The following RANBP17 variants were observed in gnomAD, a reference collection of about 807,000 sequenced individuals.
RANBP17 encodes the protein RAN binding protein 17.
RANBP17 carries 158 observed loss-of-function variants against 141.2 expected under a neutral mutation model. The ratio of observed to expected loss-of-function variants is 1.12; its 90% CI spans 0.98 to 1.28. RANBP17 has a LOEUF of 1.28. Ranked by LOEUF, RANBP17 falls within the 50% of genes most tolerant of loss-of-function variation. The pLI, the probability that RANBP17 is intolerant of heterozygous loss-of-function variation, is 0.00. For synonymous variants in RANBP17, 430 were observed against 450.0 expected (o/e 0.96, Z 0.56); for missense variants, 1,438 against 1,290.7 (o/e 1.11, Z -1.75).
intron 14 of RANBP17, among the ~76,000 whole-genome samples, chr5:171,116,370 A>T (rs1360384990): frequency 2.6e-5 from 4 of 151,984 alleles, no homozygotes; most frequent in Admixed American, 2.6e-4. Context: ...TGAAAACTTT[A>T]TGTTTATCAA....
At chr5:170,961,402 T>C (rs1461385628) in intron 13 of RANBP17, among the ~76,000 whole-genome samples, 2 of 152,204 alleles carry the variant, frequency 1.3e-5, no homozygotes, top group Non-Finnish European at 2.9e-5. Context: ...GGATCAAAAA[T>C]TATTTATCTT....
At chr5:170,921,145 T>G (rs940779421) in intron 11 of RANBP17, among the ~76,000 whole-genome samples, 19 of 152,212 alleles carry the variant, frequency 1.2e-4, no homozygotes, top group Admixed American at 1.2e-3. Context: ...TTTTGGTGTT[T>G]TAGTCATGAA....
intron 13 of RANBP17, among the ~76,000 whole-genome samples, chr5:170,959,232 T>C (rs1159755429): frequency 6.6e-6 from 1 of 152,160 alleles, no homozygotes; most frequent in Non-Finnish European, 1.5e-5. Context: ...AGAGTTTTCC[T>C]CTCTCTCCCA....
At chr5:171,048,577 C>G (rs1320913225) in intron 14 of RANBP17, among the ~76,000 whole-genome samples, 1 of 151,798 alleles carries the variant, frequency 6.6e-6, no homozygotes, top group African/African-American at 2.4e-5. Context: ...ATTTTGTCAC[C>G]CAGGTAATAA....
intron 22 of RANBP17, among the ~76,000 whole-genome samples, chr5:171,234,413 A>C (rs1159994507): frequency 1.3e-5 from 2 of 152,226 alleles, no homozygotes; most frequent in African/African-American, 4.8e-5. Context: ...CCTCTAGAAC[A>C]TATTGAGCAC....
intron 14 of RANBP17, among the ~76,000 whole-genome samples, chr5:171,018,576 G>T (rs1780613550): frequency 1.3e-5 from 2 of 152,056 alleles, no homozygotes; most frequent in African/African-American, 2.4e-5. Flanking sequence ...TAGGTGTAAA[G>T]GAATGCCTGT....
chr5:171,165,511 A>G (rs7447600), intron 14 of RANBP17, among the ~76,000 whole-genome samples: 525 of 152,282 alleles, frequency 3.4e-3, no homozygotes, highest in Non-Finnish European at 5.7e-3. Context: ...TTACTATTTT[A>G]TGGGTAAGAA....
At chr5:171,080,034 C>T (rs1178629265) in intron 14 of RANBP17, among the ~76,000 whole-genome samples, 1 of 152,046 alleles carries the variant, frequency 6.6e-6, no homozygotes, top group Non-Finnish European at 1.5e-5. Flanking sequence ...TAAACTGATC[C>T]TGATAACATT....
At chr5:171,212,920 A>T (rs1055634801) in intron 20 of RANBP17, among the ~76,000 whole-genome samples, 3 of 152,182 alleles carry the variant, frequency 2.0e-5, no homozygotes, top group Non-Finnish European at 4.4e-5. Flanking sequence ...GCATAGATTT[A>T]TCAGAGGCAT....
chr5:170,919,438 T>A lies in RANBP17; in HGVS notation c.1102-3T>A. On this transcript the variant is annotated splice_region_variant and splice_polypyrimidine_tract_variant and intron_variant, in intron 10 of 27. Coordinates refer to ENST00000523189, the MANE Select transcript of RANBP17 (RefSeq NM_022897.5). ...AAATAACTTCTGCTTTATTTCTTTG[T>A]AGCACTGGGAATTTGCTCCTAACAG... 2 of 1,554,460 alleles carry A rather than the reference T, an allele frequency of 1.3e-6. No individual in the cohort carries two copies. The highest frequency in any genetic ancestry group is 1.7e-6 in the Non-Finnish European group (2 of 1,152,292).
At chr5:171,066,644 T>C (rs1285832556) in intron 14 of RANBP17, among the ~76,000 whole-genome samples, 1 of 152,224 alleles carries the variant, frequency 6.6e-6, no homozygotes, top group Non-Finnish European at 1.5e-5. Context: ...AGTGGAGATA[T>C]TTCTTCAACA....
At position 171,141,278 on chromosome 5, in the gene RANBP17, G is replaced by T. The variant is rs376257961; in HGVS notation, c.1711-28852G>T. Among the ~76,000 whole-genome samples, 9 of 151,876 alleles carry T rather than the reference G, an allele frequency of 5.9e-5. No homozygotes were observed. The East Asian group carries it at 1.7e-3, about 29-fold the overall frequency. On this transcript the variant is annotated intron_variant, in intron 14 of 27. Transcript: ENST00000523189. ...TTCAATTGAGTTAGTATTTAAAGTT[G>T]GTTTATTAAGGATGGGAAGTTAAAA...
intron 14 of RANBP17, among the ~76,000 whole-genome samples, chr5:171,162,895 T>A (rs1270769000): frequency 6.6e-6 from 1 of 152,132 alleles, no homozygotes; most frequent in Non-Finnish European, 1.5e-5. Flanking sequence ...CCAAGTTTTC[T>A]TATACAATAG....
intron 8 of RANBP17, among the ~76,000 whole-genome samples, 153 bp downstream of exon 8, chr5:170,914,393 T>G (rs1038053570): frequency 1.3e-5 from 2 of 152,206 alleles, no homozygotes; most frequent in African/African-American, 4.8e-5. Flanking sequence ...GCTTAAACTA[T>G]TTGTCAAATT....
intron 14 of RANBP17, among the ~76,000 whole-genome samples, chr5:171,112,276 G>T (rs1260863925): frequency 6.6e-6 from 1 of 151,916 alleles, no homozygotes; most frequent in East Asian, 1.9e-4. Flanking sequence ...GAAGGGCCTG[G>T]ATTTTTCCTA....
At chr5:170,948,028 A>G (rs929024777) in intron 12 of RANBP17, among the ~76,000 whole-genome samples, 1 of 152,178 alleles carries the variant, frequency 6.6e-6, no homozygotes, top group Non-Finnish European at 1.5e-5. Flanking sequence ...GTATTTGAAG[A>G]CAGACTACCA....
chr5:170,936,579 G>T (rs1773897609), intron 12 of RANBP17, among the ~76,000 whole-genome samples: 1 of 151,920 alleles, frequency 6.6e-6, no homozygotes, highest in Non-Finnish European at 1.5e-5. Context: ...TACCTACCTT[G>T]GTCAAGTATC....
intron 12 of RANBP17, among the ~76,000 whole-genome samples, chr5:170,934,950 C>T (rs528334131): frequency 2.0e-5 from 3 of 152,278 alleles, no homozygotes; most frequent in African/African-American, 4.8e-5. Context: ...ACCAGTCAGA[C>T]GTAGATTTGG....
At chr5:171,097,862 C>T (rs1156298757) in intron 14 of RANBP17, among the ~76,000 whole-genome samples, 1 of 151,918 alleles carries the variant, frequency 6.6e-6, no homozygotes, top group Admixed American at 6.6e-5. Context: ...TTTCACCTCC[C>T]ACTTATGAGT....
Sources: gnomAD v4.1 joint callset for allele counts (sites outside exome capture counted in the v4.1 genomes callset) on GRCh38, gnomAD v4.1.1 for gene constraint, MANE v1.5 for transcripts, NCBI Gene and HGNC (gene_info 2026-07-23, HGNC 2026-07-21) for gene names.